Variants in FLOT2 observed in about 807,000 individuals in gnomAD.
FLOT2 encodes flotillin 2.
A neutral mutation model predicts 54.9 loss-of-function variants in FLOT2; 35 were observed. The observed-to-expected ratio is 0.64, with a 90% CI of 0.49 to 0.84. FLOT2 has a LOEUF of 0.84. Among genes scored for constraint, FLOT2 ranks in the 40% least tolerant of loss-of-function variants. The pLI, the probability that FLOT2 is intolerant of heterozygous loss-of-function variation, is 0.00. For synonymous variants in FLOT2, 207 were observed against 228.9 expected, an observed-to-expected ratio of 0.90 and a Z score of 0.86; for missense variants, 464 against 572.1, an observed-to-expected ratio of 0.81 and a Z score of 1.93.
rs1415190209 is a variant in FLOT2 at position 28,880,007 on chromosome 17, C to T, written c.*554G>A. The T allele has an allele frequency of 2.0e-6, 2 of 989,140 alleles. No homozygotes were observed. Among genetic ancestry groups the T allele is most frequent in the African/African-American group, 1.7e-5 (1 of 57,256 alleles). 61.3% of individuals were successfully genotyped at this position (989,140 alleles called of 1,614,324 possible). On this transcript the variant is annotated 3_prime_UTR_variant, in exon 11 of 11. Transcript: ENST00000394908. ...GGAAGGACAGTGTCTCTGGGCCCTG[C>T]AGGTCATGGCTGCCCAGACCTAGAG... is the stretch of plus-strand genomic sequence containing the variant.
rs1227493635 is a variant in FLOT2, at chr17:28,879,900, C to T, written c.*661G>A. Reference sequence around the variant, plus strand: ...AGGAAACTGAGGAAGCTGCTGTAGACAGGAGGCCTTGCCTCTGTGCCCTTG... The same window carrying T: ...AGGAAACTGAGGAAGCTGCTGTAGATAGGAGGCCTTGCCTCTGTGCCCTTG... On this transcript the variant is annotated 3_prime_UTR_variant, in exon 11 of 11. Coordinates refer to ENST00000394908, the MANE Select transcript of FLOT2 (RefSeq NM_004475.3). The T allele has an allele frequency of 5.1e-6, 5 of 986,134 alleles. No homozygotes were observed. In the South Asian group the frequency reaches 1.4e-4, roughly 28 times the overall value. 61.1% of individuals were successfully genotyped at this position (986,134 alleles called of 1,614,324 possible).
Position 28,883,358 on chromosome 17 carries a change from G to A in FLOT2, c.223-127C>T. ...TTTTTTCAGACCTGGAGGCCCTGGG[G>A]GGCTGGAATCTGTCTGAAGCCTCTA... On this transcript the variant is annotated intron_variant, in intron 3 of 10. Coordinates refer to ENST00000394908, the MANE Select transcript of FLOT2 (RefSeq NM_004475.3). The surrounding 1 kb of genome is among the most constrained non-coding windows in gnomAD (Gnocchi z 5.0). The A allele has an allele frequency of 1.7e-6, 2 of 1,195,150 alleles. No homozygotes were observed. Among genetic ancestry groups the A allele is most frequent in the Non-Finnish European group, 2.4e-6 (2 of 839,194 alleles). The allele number at this position is 1,195,150 out of a possible 1,614,324, so 74.0% of individuals were successfully genotyped here. A position where few individuals can be genotyped will look rare whatever the true frequency, so the allele number is the denominator to read the frequency against.
In FLOT2 at chr17:28,880,524, C is replaced by G. The variant is rs1457941682; in HGVS notation, c.*37G>C. 1.2e-6 allele frequency: 2 copies of G among 1,606,460 alleles called. No homozygotes were observed. Among genetic ancestry groups the G allele is most frequent in the Non-Finnish European group, 1.7e-6 (2 of 1,176,352 alleles). ...ATTAAAACGGGTGCTGGAGGGAGGGCCGGGTGGCTGCTGAAGAGAGTGGGC... is the reference window on the plus strand; with the variant it reads ...ATTAAAACGGGTGCTGGAGGGAGGGGCGGGTGGCTGCTGAAGAGAGTGGGC... On this transcript the variant is annotated 3_prime_UTR_variant, in exon 11 of 11. Coordinates refer to ENST00000394908, the MANE Select transcript of FLOT2 (RefSeq NM_004475.3).
At chr17:28,881,081 CT>C (rs1310538550) in intron 9 of FLOT2, 110 bp downstream of exon 9, 1 of 1,119,656 alleles carries the variant, frequency 8.9e-7, no homozygotes, top group African/African-American at 1.6e-5. Context: ...TTTAACCCTT[CT>C]AGCCATCTGT....
intron 2 of FLOT2, among the ~76,000 whole-genome samples, chr17:28,887,984 CA>C (rs2039578029): frequency 6.6e-6 from 1 of 152,234 alleles, no homozygotes; most frequent in Non-Finnish European, 1.5e-5. Context: ...CCAGGAGCCT[CA>C]AGCACTAGCA....
At chr17:28,886,568 T>C (rs545027084) in intron 2 of FLOT2, among the ~76,000 whole-genome samples, 101 of 152,290 alleles carry the variant, frequency 6.6e-4, no homozygotes, top group African/African-American at 2.4e-3. Flanking sequence ...AGGCATTTAA[T>C]TGGGAATTTC....
chr17:28,888,587 G>A (rs543032328), intron 2 of FLOT2, among the ~76,000 whole-genome samples: 8 of 152,224 alleles, frequency 5.3e-5, no homozygotes, highest in Admixed American at 3.3e-4. Flanking sequence ...CAAACTGGGC[G>A]TATAATAAAG....
rs777022380 is a variant in FLOT2 at position 28,884,278 on chromosome 17, C to T, written c.169G>A (p.Glu57Lys). 1.7e-5 allele frequency: 28 copies of T among 1,613,030 alleles called. No homozygotes were observed. The highest frequency in any genetic ancestry group is 5.3e-5 in the African/African-American group (4 of 74,918). The change falls in exon 3 of 11, where the codon GAG becomes AAG. Residue 57 changes from glutamate to lysine, a missense_variant. Transcript: ENST00000394908. The surrounding 1 kb of genome is among the most constrained non-coding windows in gnomAD (Gnocchi z 5.1). Reference sequence around the variant, plus strand: ...ACCCCCTCGGCCGTCTCTACGTCCTCGCAGCGGGGCTGCAACGTCATAATC... The same window carrying T: ...ACCCCCTCGGCCGTCTCTACGTCCTTGCAGCGGGGCTGCAACGTCATAATC... ...LEIMTLQPRC[E>K]DVETAEGVAL...
At chr17:28,885,966 G>A in intron 2 of FLOT2, 1 of 1,499,048 alleles carries the variant, frequency 6.7e-7, no homozygotes, top group Non-Finnish European at 9.1e-7. Flanking sequence ...CAGCCAGGGG[G>A]TGGGGAGAGG....
At position 28,880,399 on chromosome 17, in the gene FLOT2, G is replaced by A; in HGVS notation, c.*162C>T. 1.3e-6 allele frequency: 2 copies of A among 1,486,942 alleles called. No homozygotes were observed. The highest frequency in any genetic ancestry group is 1.4e-5 in the South Asian group (1 of 71,476). 92.1% of individuals were successfully genotyped at this position (1,486,942 alleles called of 1,614,324 possible). A position where few individuals can be genotyped will look rare whatever the true frequency, so the allele number is the denominator to read the frequency against. The stretch of plus-strand genomic sequence containing the variant: ...GGAAGAGGAGGAGGTGGACAGACAG[G>A]AGAGACAGGAAGACAGCCAGAGATG... On this transcript the variant is annotated 3_prime_UTR_variant, in exon 11 of 11. Coordinates refer to ENST00000394908, the MANE Select transcript of FLOT2 (RefSeq NM_004475.3).
In FLOT2 at chr17:28,888,967, A is replaced by ACCAGGC; in HGVS notation, c.103_108dup (p.Ala35_Trp36dup). The ACCAGGC allele has an allele frequency of 6.2e-7, 1 of 1,614,096 alleles. No individual in the cohort carries two copies. Among genetic ancestry groups the ACCAGGC allele is most frequent in the South Asian group, 1.1e-5 (1 of 91,070 alleles). ...TACCTCTGAGTGTCGGAGATACACC[A>ACCAGGC]CCAGGCCCAGGCCCAGCCGCCAAAC... On this transcript the variant is annotated inframe_insertion, in exon 2 of 11. Transcript: ENST00000394908.
chr17:28,893,662 A>C (rs1450629344), intron 1 of FLOT2, among the ~76,000 whole-genome samples: 3 of 152,230 alleles, frequency 2.0e-5, no homozygotes, highest in African/African-American at 7.2e-5. Flanking sequence ...AAAACAAGGA[A>C]GTGAAATCAA....
At position 28,881,317 on chromosome 17, in the gene FLOT2, C is replaced by G. The variant is rs1185199439; in HGVS notation, c.973G>C (p.Ala325Pro). ...ATCGCCTCGATGACTGCCGCTTCCG[C>G]CTCCCCGATTTTGCGGATCTTCTCA... ...EAEKIRKIGE[A>P]EAAVIEAMGK... The change falls in exon 9 of 11, where the codon GCG (alanine) becomes CCG (proline). Residue 325 changes from alanine (A) to proline (P), a missense_variant. By Grantham distance (27) the Ala-to-Pro change is conservative (BLOSUM62 -1). Coordinates refer to ENST00000394908, the MANE Select transcript of FLOT2 (RefSeq NM_004475.3). The G allele has an allele frequency of 6.2e-7, 1 of 1,613,888 alleles. No individual in the cohort carries two copies. Among genetic ancestry groups the G allele is most frequent in the East Asian group, 2.2e-5 (1 of 44,898 alleles).
At chr17:28,885,784 T>G in intron 2 of FLOT2, 3 of 991,742 alleles carry the variant, frequency 3.0e-6, no homozygotes, top group Non-Finnish European at 4.7e-6. Context: ...GTCCATCGGC[T>G]CCTGTCTGCC....
intron 2 of FLOT2, among the ~76,000 whole-genome samples, chr17:28,885,397 C>T (rs1266900905): frequency 6.6e-6 from 1 of 152,182 alleles, no homozygotes; most frequent in Non-Finnish European, 1.5e-5. Context: ...CACACAGGCT[C>T]TGAGGGGGCA....
In FLOT2 at chr17:28,883,179, A is replaced by T; in HGVS notation, c.275T>A (p.Leu92Gln). ...TTTGATGTCCTGCACATTCTTACCC[A>T]GAAACTGCTCACAAGCCACGGCCAG... ...ELLAVACEQF[L>Q]GKNVQDIKNV... The change falls in exon 4 of 11, where the codon CTG becomes CAG. Residue 92 changes from leucine to glutamine, a missense_variant. Leu to Gln is a moderately radical substitution (Grantham distance 113, BLOSUM62 -2). Transcript: ENST00000394908. This position sits in a 1 kb window ranked among gnomAD's most constrained non-coding sequence, Gnocchi z 5.0. 1 of 1,614,058 alleles carries T rather than the reference A, an allele frequency of 6.2e-7. No individual in the cohort carries two copies. Among genetic ancestry groups the T allele is most frequent in the Non-Finnish European group, 8.5e-7 (1 of 1,179,994 alleles).
chr17:28,882,510 CT>C lies in FLOT2; in HGVS notation c.466-61del, dbSNP rs1315998610. 6 of 1,589,968 alleles carry C rather than the reference CT, an allele frequency of 3.8e-6. No homozygotes were observed. Among genetic ancestry groups the C allele is most frequent in the Non-Finnish European group, 4.3e-6 (5 of 1,158,302 alleles). ...AGCAGCCAGAGGCACAAAGGTGCCC[CT>C]CTAACAAAGCCACCATCTCCCAGAT... On this transcript the variant is annotated intron_variant, in intron 5 of 10. Transcript: ENST00000394908. The surrounding 1 kb of genome is among the most constrained non-coding windows in gnomAD (Gnocchi z 5.6).
chr17:28,881,407 G>T, intron 8 of FLOT2, 32 bp from the exon 9 acceptor site: 1 of 1,599,232 alleles, frequency 6.3e-7, no homozygotes, highest in Non-Finnish European at 8.5e-7. Flanking sequence ...AGGATCAGTG[G>T]GACGTACCAG....
intron 2 of FLOT2, among the ~76,000 whole-genome samples, chr17:28,885,267 TGAA>T (rs1396851662): frequency 6.6e-6 from 1 of 151,524 alleles, no homozygotes; most frequent in Non-Finnish European, 1.5e-5. Flanking sequence ...GCAGGATGGG[TGAA>T]GAAGGGAGTG....
Sources: allele counts gnomAD v4.1 joint callset (sites outside exome capture counted in the v4.1 genomes callset), GRCh38; gene constraint gnomAD v4.1.1; non-coding constraint Gnocchi (gnomAD v3.1); transcripts MANE v1.5; gene names NCBI Gene and HGNC (gene_info 2026-07-23, HGNC 2026-07-21).